Variants in GRIA1 observed in about 807,000 individuals in gnomAD.
GRIA1 encodes the protein glutamate ionotropic receptor AMPA type subunit 1.
In GRIA1, 31 loss-of-function variants were observed where a neutral mutation model predicts 99.2. The observed-to-expected ratio is 0.31, with a 90% CI of 0.23 to 0.42. The LOEUF is 0.42. GRIA1 is among the 10% of genes least tolerant of loss of function. The probability of loss-of-function intolerance (pLI) is 1.00; values close to 1 mark genes in which losing one functional copy is unlikely to be tolerated. For synonymous variants in GRIA1, 438 were observed against 432.4 expected, an observed-to-expected ratio of 1.01 and a Z score of -0.16; for missense variants, 782 against 1,157.5, an observed-to-expected ratio of 0.68 and a Z score of 4.71.
chr5:153,758,549 C>A (rs571899239), intron 11 of GRIA1, among the ~76,000 whole-genome samples: 2 of 152,000 alleles, frequency 1.3e-5, no homozygotes, highest in East Asian at 3.9e-4. Flanking sequence ...AGCATCAGAG[C>A]AGTTAAATAT....
chr5:153,547,515 G>A (rs1759717768), intron 2 of GRIA1, among the ~76,000 whole-genome samples: 1 of 152,172 alleles, frequency 6.6e-6, no homozygotes, highest in Non-Finnish European at 1.5e-5. Flanking sequence ...TGTGACAGAT[G>A]CAACTACTTC....
intron 2 of GRIA1, among the ~76,000 whole-genome samples, chr5:153,503,784 G>A (rs183865454): frequency 6.6e-6 from 1 of 152,344 alleles, no homozygotes; most frequent in Admixed American, 6.5e-5. Flanking sequence ...TGAGCAGTAA[G>A]CAGTCAGGAC....
chr5:153,727,166 G>A (rs927117864), intron 11 of GRIA1, among the ~76,000 whole-genome samples: 30 of 152,224 alleles, frequency 2.0e-4, no homozygotes, highest in African/African-American at 7.0e-4. Flanking sequence ...TGCAGAAAAG[G>A]CCTTTGACAA....
At chr5:153,626,381 C>T (rs531208791) in intron 2 of GRIA1, among the ~76,000 whole-genome samples, 1 of 151,616 alleles carries the variant, frequency 6.6e-6, no homozygotes, top group East Asian at 1.9e-4. Flanking sequence ...TCCAGCTATG[C>T]CAGGCCTTGA....
chr5:153,702,225 T>G (rs918836083), intron 10 of GRIA1, among the ~76,000 whole-genome samples: 1 of 152,244 alleles, frequency 6.6e-6, no homozygotes, highest in African/African-American at 2.4e-5. Flanking sequence ...AGATGCCATA[T>G]GCTGCAAATG....
intron 11 of GRIA1, among the ~76,000 whole-genome samples, chr5:153,735,491 C>A (rs915584900): frequency 6.6e-6 from 1 of 152,132 alleles, no homozygotes; most frequent in African/African-American, 2.4e-5. Flanking sequence ...ATGCAAATAA[C>A]CAATTAGGTC....
intron 2 of GRIA1, among the ~76,000 whole-genome samples, chr5:153,526,793 A>T (rs1757641615): frequency 2.0e-5 from 3 of 152,224 alleles, no homozygotes; most frequent in Admixed American, 2.0e-4. Flanking sequence ...AAGCAAAAAG[A>T]TCAGCAGCTT....
At chr5:153,767,349 T>C (rs1313853475) in intron 12 of GRIA1, among the ~76,000 whole-genome samples, 1 of 152,152 alleles carries the variant, frequency 6.6e-6, no homozygotes, top group Non-Finnish European at 1.5e-5. Flanking sequence ...GCTAATAAGA[T>C]ATAAAGCCTA....
At chr5:153,673,410 G>A (rs1712282118) in intron 5 of GRIA1, among the ~76,000 whole-genome samples, 1 of 152,134 alleles carries the variant, frequency 6.6e-6, no homozygotes, top group African/African-American at 2.4e-5. Context: ...ATATTTACTT[G>A]TTCATTTATT....
chr5:153,743,489 T>TAAG lies in GRIA1; in HGVS notation c.1824-20943_1824-20941dup, dbSNP rs202154183. On this transcript the variant is annotated intron_variant, in intron 11 of 15. Transcript: ENST00000285900. ...AGCAAAATTCAGTTTCTTGTAGATA[T>TAAG]AAGACTGAAATCCCCATTTTCTTGC... Among the ~76,000 whole-genome samples, 1,045 of 152,274 alleles carry TAAG rather than the reference T, an allele frequency of 6.9e-3. 6 individuals are homozygous for TAAG. Among genetic ancestry groups the TAAG allele is most frequent in the African/African-American group, 0.023 (975 of 41,558 alleles).
chr5:153,776,022 C>T (rs1358054755), intron 13 of GRIA1, among the ~76,000 whole-genome samples: 2 of 152,116 alleles, frequency 1.3e-5, no homozygotes, highest in African/African-American at 2.4e-5. Flanking sequence ...TCAAATGTCT[C>T]TGCATGTTTT....
chr5:153,737,900 T>G (rs1175582273), intron 11 of GRIA1, among the ~76,000 whole-genome samples: 1 of 152,182 alleles, frequency 6.6e-6, no homozygotes, highest in Non-Finnish European at 1.5e-5. Context: ...CAGGCATTTT[T>G]CACTCTCCCA....
At chr5:153,602,974 A>G (rs183234739) in intron 2 of GRIA1, among the ~76,000 whole-genome samples, 178 of 152,244 alleles carry the variant, frequency 1.2e-3, no homozygotes, top group Non-Finnish European at 1.5e-3. Flanking sequence ...AGCTTATACC[A>G]TGGGTCCCAG....
chr5:153,699,375 CAA>C (rs1758348146), intron 10 of GRIA1, among the ~76,000 whole-genome samples: 1 of 152,186 alleles, frequency 6.6e-6, no homozygotes. Context: ...GTTGTCTATA[CAA>C]AGTCACTTGT....
intron 10 of GRIA1, among the ~76,000 whole-genome samples, chr5:153,702,975 G>T (rs980719570): frequency 2.0e-5 from 3 of 152,178 alleles, no homozygotes; most frequent in Non-Finnish European, 4.4e-5. Context: ...TCAGCCAGTT[G>T]CAGAGAAGAG....
intron 2 of GRIA1, among the ~76,000 whole-genome samples, chr5:153,533,074 T>A (rs530767548): frequency 7.2e-5 from 11 of 152,206 alleles, no homozygotes; most frequent in Non-Finnish European, 1.6e-4. Flanking sequence ...CATCCAATGA[T>A]ACAAACCCCC....
chr5:153,785,794 C>T (rs1054030981), intron 13 of GRIA1, among the ~76,000 whole-genome samples: 1 of 152,222 alleles, frequency 6.6e-6, no homozygotes, highest in Non-Finnish European at 1.5e-5. Context: ...CCATGAACAA[C>T]ATCCCAACAA....
chr5:153,514,424 C>T (rs542178037), intron 2 of GRIA1, among the ~76,000 whole-genome samples: 37 of 152,262 alleles, frequency 2.4e-4, no homozygotes, highest in African/African-American at 6.0e-4. Flanking sequence ...CCAGCTTTTC[C>T]GGCACCATTT....
intron 7 of GRIA1, among the ~76,000 whole-genome samples, chr5:153,681,545 TC>T (rs1001351672): frequency 5.3e-5 from 8 of 152,160 alleles, no homozygotes; most frequent in African/African-American, 1.7e-4. Flanking sequence ...CTTGCACATG[TC>T]ACATTGGCCT....
Sources: gnomAD v4.1 joint callset for allele counts (sites outside exome capture counted in the v4.1 genomes callset) on GRCh38, gnomAD v4.1.1 for gene constraint, MANE v1.5 for transcripts, NCBI Gene and HGNC (gene_info 2026-07-23, HGNC 2026-07-21) for gene names.